Variants in KAT6B observed in about 807,000 individuals in gnomAD.
KAT6B encodes lysine acetyltransferase 6B, also known as histone acetyltransferase KAT6B.
A neutral mutation model predicts 187.5 loss-of-function variants in KAT6B; 10 were observed. The ratio of observed to expected loss-of-function variants is 0.05; its 90% CI spans 0.03 to 0.09. The LOEUF is 0.09. KAT6B is among the 10% of genes least tolerant of loss of function. The probability of loss-of-function intolerance (pLI) is 1.00; values close to 1 mark genes in which losing one functional copy is unlikely to be tolerated. For synonymous variants in KAT6B, 861 were observed against 926.8 expected, an observed-to-expected ratio of 0.93 and a Z score of 1.29; for missense variants, 1,952 against 2,558.9, an observed-to-expected ratio of 0.76 and a Z score of 5.12.
In KAT6B at chr10:74,963,180, A is replaced by G. The variant is rs554968774; in HGVS notation, c.730+3102A>G. On this transcript the variant is annotated intron_variant, in intron 4 of 17. Coordinates refer to ENST00000287239, the MANE Select transcript of KAT6B (RefSeq NM_012330.4). ...ATCATCAGATAGTCTAGGTCTGTGGAAGTGTTAGAAATGATTTTACTTGAC... is the reference window on the plus strand; with the variant it reads ...ATCATCAGATAGTCTAGGTCTGTGGGAGTGTTAGAAATGATTTTACTTGAC... Among the ~76,000 whole-genome samples the G allele has an allele frequency of 2.9e-4, 44 of 152,328 alleles. 1 individual carries two copies. In the South Asian group the frequency reaches 8.9e-3, roughly 31 times the overall value.
chr10:74,879,235 G>C (rs1466608180), intron 3 of KAT6B, among the ~76,000 whole-genome samples: 1 of 152,138 alleles, frequency 6.6e-6, no homozygotes, highest in Non-Finnish European at 1.5e-5. Context: ...GGTCTTTTCT[G>C]GGGTGATCAA....
intron 4 of KAT6B, among the ~76,000 whole-genome samples, chr10:74,969,312 C>T (rs1363388613): frequency 6.6e-6 from 1 of 152,074 alleles, no homozygotes; most frequent in East Asian, 1.9e-4. Flanking sequence ...ACCAGGACCC[C>T]CTGGGTAGAT....
chr10:74,875,138 A>G (rs1402028098), intron 3 of KAT6B, among the ~76,000 whole-genome samples: 5 of 152,236 alleles, frequency 3.3e-5, no homozygotes, highest in African/African-American at 9.6e-5. Flanking sequence ...TGGGGATAAT[A>G]GTCATTTCAA....
At chr10:74,852,666 A>G (rs910340677) in intron 3 of KAT6B, among the ~76,000 whole-genome samples, 2 of 152,208 alleles carry the variant, frequency 1.3e-5, no homozygotes, top group Admixed American at 6.5e-5. Context: ...TTTTATCAAG[A>G]TGGGACTTGT....
chr10:75,025,347 C>CCTCTGG, intron 17 of KAT6B, 98 bp downstream of exon 17: 1 of 1,227,110 alleles, frequency 8.1e-7, no homozygotes, highest in Non-Finnish European at 1.2e-6. Context: ...GAGGCACCTG[C>CCTCTGG]GAAGTGGTGC....
At chr10:75,000,828 G>A (rs1192049830) in intron 13 of KAT6B, among the ~76,000 whole-genome samples, 5 of 152,086 alleles carry the variant, frequency 3.3e-5, no homozygotes, top group South Asian at 2.1e-4. Flanking sequence ...CATTCACTTC[G>A]GGGAATTCCC....
At chr10:74,941,778 A>G (rs1849681742) in intron 3 of KAT6B, among the ~76,000 whole-genome samples, 2 of 152,248 alleles carry the variant, frequency 1.3e-5, no homozygotes, top group South Asian at 4.1e-4. Context: ...CAAATGTTAA[A>G]TTCTTTCAGA....
intron 9 of KAT6B, among the ~76,000 whole-genome samples, chr10:74,978,245 G>A (rs367894134): frequency 3.3e-5 from 5 of 152,252 alleles, no homozygotes; most frequent in African/African-American, 7.2e-5. Context: ...ATTCTGCCCC[G>A]ATCTATCAGG....
intron 3 of KAT6B, among the ~76,000 whole-genome samples, chr10:74,902,706 A>G (rs1846484970): frequency 6.6e-6 from 1 of 152,146 alleles, no homozygotes; most frequent in Admixed American, 6.5e-5. Context: ...CTGTAGGAAT[A>G]CTCTGGCTGT....
intron 3 of KAT6B, among the ~76,000 whole-genome samples, chr10:74,895,042 C>G (rs971169414): frequency 6.7e-6 from 1 of 149,258 alleles, no homozygotes; most frequent in African/African-American, 2.5e-5. Context: ...ACCATTGCTT[C>G]ATATCCTTAT....
At chr10:75,018,693 A>T (rs376733930) in intron 13 of KAT6B, among the ~76,000 whole-genome samples, 19 of 152,252 alleles carry the variant, frequency 1.2e-4, no homozygotes, top group Admixed American at 7.2e-4. Flanking sequence ...TGGTATGAAC[A>T]CTTTGGTTGT....
chr10:74,958,169 C>G (rs1183755930), intron 3 of KAT6B, among the ~76,000 whole-genome samples: 1 of 152,048 alleles, frequency 6.6e-6, no homozygotes, highest in Non-Finnish European at 1.5e-5. Flanking sequence ...TCCCAAGGAA[C>G]TAAGGCATTT....
chr10:74,957,699 C>G (rs1341404999), intron 3 of KAT6B, among the ~76,000 whole-genome samples: 1 of 152,140 alleles, frequency 6.6e-6, no homozygotes, highest in African/African-American at 2.4e-5. Flanking sequence ...AAGCAGGAAT[C>G]CCGTTAGTAA....
At chr10:74,843,729 T>G (rs957770892) in intron 3 of KAT6B, among the ~76,000 whole-genome samples, 1 of 152,220 alleles carries the variant, frequency 6.6e-6, no homozygotes, top group African/African-American at 2.4e-5. Flanking sequence ...GCTAACTGGT[T>G]GGTGTCTGAA....
chr10:74,864,130 G>A (rs1843384546), intron 3 of KAT6B, among the ~76,000 whole-genome samples: 1 of 152,048 alleles, frequency 6.6e-6, no homozygotes, highest in Non-Finnish European at 1.5e-5. Flanking sequence ...GTGCAGTGGC[G>A]CGATCTCAGC....
intron 1 of KAT6B, 135 bp downstream of exon 1, chr10:74,826,920 G>A (rs1840289450): frequency 1.3e-5 from 2 of 151,072 alleles, no homozygotes; most frequent in Admixed American, 6.6e-5. Context: ...GCCGCTCGGG[G>A]TCAGGCTGCC....
chr10:74,845,383 G>T (rs1047988558), intron 3 of KAT6B, among the ~76,000 whole-genome samples: 2 of 150,874 alleles, frequency 1.3e-5, no homozygotes, highest in African/African-American at 4.9e-5. Flanking sequence ...TTAGGCAGGC[G>T]TGGTGGGGGG....
intron 13 of KAT6B, among the ~76,000 whole-genome samples, chr10:74,994,758 C>T (rs1172591332): frequency 1.3e-5 from 2 of 150,826 alleles, no homozygotes; most frequent in Admixed American, 1.3e-4. Flanking sequence ...GCTGAGATTG[C>T]ACCACTGCAC....
chr10:74,957,956 A>G (rs1840806104), intron 3 of KAT6B, among the ~76,000 whole-genome samples: 1 of 152,206 alleles, frequency 6.6e-6, no homozygotes, highest in African/African-American at 2.4e-5. Flanking sequence ...AGAATGTTTT[A>G]TAATCTACTT....
Sources: allele counts gnomAD v4.1 joint callset (sites outside exome capture counted in the v4.1 genomes callset), GRCh38; gene constraint gnomAD v4.1.1; transcripts MANE v1.5; gene names NCBI Gene and HGNC (gene_info 2026-07-23, HGNC 2026-07-21).